Variants in CHL1 observed in about 807,000 individuals in gnomAD.
CHL1 encodes cell adhesion molecule L1 like.
In CHL1, 96 loss-of-function variants were observed where a neutral mutation model predicts 141.9. The observed-to-expected ratio is 0.68, with a 90% CI of 0.57 to 0.80. CHL1 has a LOEUF of 0.80. Among genes scored for constraint, CHL1 ranks in the 30% least tolerant of loss-of-function variants. The pLI, the probability that CHL1 is intolerant of heterozygous loss-of-function variation, is 0.00. For synonymous variants in CHL1, 613 were observed against 502.2 expected, an observed-to-expected ratio of 1.22 and a Z score of -2.95; for missense variants, 1,820 against 1,457.2, an observed-to-expected ratio of 1.25 and a Z score of -4.05.
intron 2 of CHL1, among the ~76,000 whole-genome samples, chr3:295,260 G>A (rs867140328): frequency 6.6e-6 from 1 of 152,144 alleles, no homozygotes; most frequent in Non-Finnish European, 1.5e-5. Flanking sequence ...TTCTTTACAC[G>A]AACAGTCACA....
At chr3:302,032 A>G (rs139246392) in intron 2 of CHL1, among the ~76,000 whole-genome samples, 1 of 152,112 alleles carries the variant, frequency 6.6e-6, no homozygotes, top group African/African-American at 2.4e-5. Flanking sequence ...GCTTGCTGAG[A>G]ATGATGGTTT....
chr3:271,868 A>G (rs149259144), intron 2 of CHL1, among the ~76,000 whole-genome samples: 2 of 152,222 alleles, frequency 1.3e-5, no homozygotes, highest in African/African-American at 4.8e-5. Context: ...AAGCACTCTT[A>G]TGAAAAGTCA....
chr3:363,427 T>C (rs1167325660), intron 14 of CHL1, 44 bp downstream of exon 14: 1 of 1,538,600 alleles, frequency 6.5e-7, no homozygotes, highest in Non-Finnish European at 8.9e-7. Context: ...GTCACATGGG[T>C]TCAGTCTGTC....
At chr3:379,245 C>T (rs1488145291) in intron 16 of CHL1, among the ~76,000 whole-genome samples, 1 of 152,042 alleles carries the variant, frequency 6.6e-6, no homozygotes, top group Non-Finnish European at 1.5e-5. Flanking sequence ...AAATGGCCAA[C>T]CTGTCTCGGG....
At chr3:289,087 A>C (rs1267209247) in intron 2 of CHL1, among the ~76,000 whole-genome samples, 1 of 152,226 alleles carries the variant, frequency 6.6e-6, no homozygotes, top group Non-Finnish European at 1.5e-5. Flanking sequence ...CCTAGAACTC[A>C]AGAGAAATGA....
intron 15 of CHL1, among the ~76,000 whole-genome samples, chr3:369,571 T>A (rs1705359542): frequency 6.6e-6 from 1 of 152,240 alleles, no homozygotes; most frequent in African/African-American, 2.4e-5. Context: ...CCTCTCTTCC[T>A]ATATGAATAC....
At chr3:316,418 A>G (rs1700156444) in intron 2 of CHL1, among the ~76,000 whole-genome samples, 2 of 151,960 alleles carry the variant, frequency 1.3e-5, no homozygotes, top group South Asian at 4.2e-4. Context: ...GGCAAAAACC[A>G]CAATAACTTT....
chr3:365,436 G>A (rs1039286623), intron 14 of CHL1, among the ~76,000 whole-genome samples: 1 of 152,154 alleles, frequency 6.6e-6, no homozygotes, highest in East Asian at 1.9e-4. Flanking sequence ...TGGAGACACT[G>A]CAGTGTCATG....
At chr3:375,496 G>T (rs1706200448) in intron 15 of CHL1, among the ~76,000 whole-genome samples, 2 of 151,900 alleles carry the variant, frequency 1.3e-5, no homozygotes, top group Admixed American at 1.3e-4. Context: ...CAAAGATGAA[G>T]ATGCAGTCAT....
At chr3:367,206 T>C (rs1010235991) in intron 15 of CHL1, among the ~76,000 whole-genome samples, 27 of 152,250 alleles carry the variant, frequency 1.8e-4, no homozygotes, top group African/African-American at 6.5e-4. Flanking sequence ...TCCTTTTGCA[T>C]TGTTACTAAG....
At position 337,145 on chromosome 3, in the gene CHL1, A is replaced by G. The variant is rs369792983; in HGVS notation, c.386-3649A>G. On this transcript the variant is annotated intron_variant, in intron 5 of 27. Transcript: ENST00000256509. ...ATTAGATAGAAAGGAAATTGATCTC[A>G]TCTAGACTTGGTTATAATGGGATTT... 2.9e-3 allele frequency among the ~76,000 whole-genome samples: 441 copies of G among 150,974 alleles called. 4 individuals are homozygous for G. In the Middle Eastern group the frequency reaches 0.031, roughly 11 times the overall value.
intron 15 of CHL1, among the ~76,000 whole-genome samples, chr3:374,483 A>G (rs1706050806): frequency 6.6e-6 from 1 of 152,148 alleles, no homozygotes; most frequent in East Asian, 1.9e-4. Context: ...CTGGTGGGTA[A>G]TATGACATGG....
rs1709690390 is a variant in CHL1, at chr3:408,849, ATTGATATTT to A, written c.*3140_*3148del. The A allele has an allele frequency of 6.6e-6, 1 of 152,086 alleles. No homozygotes were observed. The highest frequency in any genetic ancestry group is 1.5e-5 in the Non-Finnish European group (1 of 67,984). The allele number at this position is 152,086 out of a possible 1,614,324, so 9.4% of individuals were successfully genotyped here. ...GGTTTTATTCTATCGGTATAAAGGC[ATTGATATTT>A]TAGATGCACCCGTGTTTGTAAAAAT... On this transcript the variant is annotated 3_prime_UTR_variant, in exon 28 of 28. Coordinates refer to ENST00000256509, the MANE Select transcript of CHL1 (RefSeq NM_006614.4).
intron 2 of CHL1, among the ~76,000 whole-genome samples, chr3:290,408 A>G (rs758985056): frequency 1.3e-5 from 2 of 152,168 alleles, no homozygotes; most frequent in African/African-American, 4.8e-5. Flanking sequence ...CAAATATGGA[A>G]TCTGTGGATA....
At chr3:344,074 C>T (rs569998291) in intron 8 of CHL1, among the ~76,000 whole-genome samples, 1 of 152,090 alleles carries the variant, frequency 6.6e-6, no homozygotes, top group South Asian at 2.1e-4. Context: ...CTTTAAGGAG[C>T]TGAGACTACA....
intron 5 of CHL1, among the ~76,000 whole-genome samples, chr3:328,970 A>G (rs1701228106): frequency 6.6e-6 from 1 of 152,182 alleles, no homozygotes; most frequent in Non-Finnish European, 1.5e-5. Context: ...TATGATGCTC[A>G]TTAGGAAAGG....
At chr3:283,955 T>A (rs530511999) in intron 2 of CHL1, among the ~76,000 whole-genome samples, 1 of 152,324 alleles carries the variant, frequency 6.6e-6, no homozygotes, top group South Asian at 2.1e-4. Flanking sequence ...GATGAATGAA[T>A]GCATTTACAT....
At chr3:366,169 A>G (rs1474387060) in intron 15 of CHL1, 54 bp downstream of exon 15, 20 of 1,550,152 alleles carry the variant, frequency 1.3e-5, no homozygotes, top group Non-Finnish European at 1.7e-5. Flanking sequence ...AACAACTTGC[A>G]TTTGATTTAA....
Position 398,980 on chromosome 3 carries a change from C to G in CHL1, c.3254-37C>G, listed in dbSNP as rs188991347. On this transcript the variant is annotated intron_variant, in intron 25 of 27. Coordinates refer to ENST00000256509, the MANE Select transcript of CHL1 (RefSeq NM_006614.4). ...TGTTACAGAATACAAAAGACTGTTT[C>G]TAGTTTACAATGCTGTGACTTCTCT... 1.0e-4 allele frequency: 165 copies of G among 1,597,380 alleles called. No individual in the cohort carries two copies. In the African/African-American group the frequency reaches 1.8e-3, roughly 17 times the overall value.
Sources: gnomAD v4.1 joint callset for allele counts (sites outside exome capture counted in the v4.1 genomes callset) on GRCh38, gnomAD v4.1.1 for gene constraint, MANE v1.5 for transcripts, NCBI Gene and HGNC (gene_info 2026-07-23, HGNC 2026-07-21) for gene names.